Variants in SETBP1 observed in about 807,000 individuals in gnomAD.
SETBP1 encodes the protein SET binding protein 1, also known as SET-binding protein.
SETBP1 carries 9 observed loss-of-function variants against 101.0 expected under a neutral mutation model. The ratio of observed to expected loss-of-function variants is 0.09; its 90% confidence interval spans 0.05 to 0.16. The LOEUF (loss-of-function observed/expected upper bound fraction) is 0.16. Ranked by LOEUF, SETBP1 falls within the 10% of genes least tolerant of loss-of-function variation. SETBP1 has a pLI of 1.00. For synonymous variants in SETBP1, 818 were observed against 788.5 expected, an observed-to-expected ratio of 1.04 and a Z score of -0.63; for missense variants, 1,858 against 2,033.8, an observed-to-expected ratio of 0.91 and a Z score of 1.66.
intron 4 of SETBP1, among the ~76,000 whole-genome samples, chr18:45,003,788 C>T (rs980677964): frequency 6.6e-5 from 10 of 151,866 alleles, no homozygotes; most frequent in African/African-American, 1.9e-4. Flanking sequence ...TGTTGACCTT[C>T]GTAATCTAAA....
At chr18:44,773,622 T>A (rs1317769885) in intron 2 of SETBP1, among the ~76,000 whole-genome samples, 2 of 152,134 alleles carry the variant, frequency 1.3e-5, no homozygotes, top group Non-Finnish European at 2.9e-5. Context: ...GTTCCACTCT[T>A]TAAGTGTGTA....
rs536729562 is a variant in SETBP1 at position 44,709,988 on chromosome 18, G to A, written c.486+8156G>A. On this transcript the variant is annotated intron_variant, in intron 2 of 5. Coordinates refer to ENST00000649279, the MANE Select transcript of SETBP1 (RefSeq NM_015559.3). ...AAAGCAGTGTCAAAGGAACCATCAA[G>A]TGGGGTTCAGCTGGCGGCTGCTACT... Among the ~76,000 whole-genome samples the A allele has an allele frequency of 6.6e-5, 10 of 152,132 alleles. No individual in the cohort carries two copies. The South Asian group carries it at 1.7e-3, about 25-fold the overall frequency.
intron 1 of SETBP1, among the ~76,000 whole-genome samples, chr18:44,691,827 G>A (rs1252215213): frequency 6.6e-6 from 1 of 152,164 alleles, no homozygotes. Flanking sequence ...TGTCAGAGCT[G>A]GAAGGGGCCA....
intron 2 of SETBP1, among the ~76,000 whole-genome samples, chr18:44,807,913 A>C (rs935168444): frequency 5.3e-5 from 8 of 152,190 alleles, no homozygotes; most frequent in African/African-American, 1.9e-4. Flanking sequence ...GAGGCTGCAC[A>C]GCCAGAAGGA....
At chr18:44,921,692 G>C (rs912886537) in intron 3 of SETBP1, among the ~76,000 whole-genome samples, 1 of 152,172 alleles carries the variant, frequency 6.6e-6, no homozygotes. Flanking sequence ...TACAGTCCAG[G>C]AGGGAGGGCA....
chr18:44,878,366 T>C (rs2069456912), intron 3 of SETBP1, among the ~76,000 whole-genome samples: 1 of 152,092 alleles, frequency 6.6e-6, no homozygotes, highest in Non-Finnish European at 1.5e-5. Context: ...TTTGGTAAAG[T>C]GGCCTAAAGA....
intron 5 of SETBP1, among the ~76,000 whole-genome samples, chr18:45,041,021 A>G (rs2073497880): frequency 6.6e-6 from 1 of 152,202 alleles, no homozygotes; most frequent in South Asian, 2.1e-4. Context: ...AGAAACACAC[A>G]GGCTGGGCTT....
At chr18:44,748,978 T>G (rs1880819273) in intron 2 of SETBP1, among the ~76,000 whole-genome samples, 1 of 152,178 alleles carries the variant, frequency 6.6e-6, no homozygotes, top group Non-Finnish European at 1.5e-5. Flanking sequence ...TACTCTGTTG[T>G]AATCTCCATG....
chr18:44,792,004 G>A (rs539927136), intron 2 of SETBP1, among the ~76,000 whole-genome samples: 2 of 152,254 alleles, frequency 1.3e-5, no homozygotes, highest in South Asian at 4.2e-4. Context: ...TGGCTGTGCA[G>A]TTTCGGGCTC....
chr18:44,927,241 A>G (rs1225762302), intron 3 of SETBP1, among the ~76,000 whole-genome samples: 1 of 152,210 alleles, frequency 6.6e-6, no homozygotes, highest in African/African-American at 2.4e-5. Flanking sequence ...TCTCTGATGA[A>G]GAGAGTCAGA....
Position 44,885,857 on chromosome 18 carries a change from C to CAAAAAAAAAAAAAA in SETBP1, c.540+16585_540+16586insAAAAAAAAAAAAAA, listed in dbSNP as rs1555696149. 1.3e-4 allele frequency among the ~76,000 whole-genome samples: 10 copies of CAAAAAAAAAAAAAA among 78,160 alleles called. 1 individual carries two copies. The highest frequency in any genetic ancestry group is 4.2e-4 in the South Asian group (1 of 2,406). 51.3% of individuals were successfully genotyped at this position (78,160 alleles called of 152,430 possible). A position where few individuals can be genotyped will look rare whatever the true frequency, so the allele number is the denominator to read the frequency against. On this transcript the variant is annotated intron_variant, in intron 3 of 5. Coordinates refer to ENST00000649279, the MANE Select transcript of SETBP1 (RefSeq NM_015559.3). ...CCCATTTCATTAAAAAAAAAAAAAA[C>CAAAAAAAAAAAAAA]AAAAAAAAAAACAAGGTGACTTACC... is the stretch of plus-strand genomic sequence containing the variant.
At chr18:44,998,232 C>A (rs1346618929) in intron 4 of SETBP1, among the ~76,000 whole-genome samples, 3 of 152,204 alleles carry the variant, frequency 2.0e-5, no homozygotes, top group African/African-American at 4.8e-5. Context: ...CCAAGCTAAC[C>A]CTTGACAGGA....
At chr18:44,870,726 A>C in intron 3 of SETBP1, 1 of 152,232 alleles carries the variant, frequency 6.6e-6, no homozygotes, top group Middle Eastern at 3.4e-3. Flanking sequence ...TAATCTGAAA[A>C]TTTATAACAT....
chr18:44,990,707 A>C (rs1490674240), intron 4 of SETBP1, among the ~76,000 whole-genome samples: 2 of 152,070 alleles, frequency 1.3e-5, no homozygotes, highest in Non-Finnish European at 2.9e-5. Flanking sequence ...CACTAAAAAT[A>C]ATGTTCAATT....
intron 2 of SETBP1, among the ~76,000 whole-genome samples, chr18:44,736,191 C>G (rs770964136): frequency 7.9e-5 from 12 of 151,852 alleles, no homozygotes; most frequent in Non-Finnish European, 1.0e-4. Context: ...TTGAGACCAG[C>G]CTGGGCAACA....
chr18:44,877,475 T>C (rs542957198), intron 3 of SETBP1: 1 of 686,564 alleles, frequency 1.5e-6, no homozygotes. Context: ...AGGAATAATG[T>C]TCACCCTCCA....
rs537274345 is a variant in SETBP1 at position 45,063,946 on chromosome 18, T to C, written c.*248T>C. 2.1e-5 allele frequency: 9 copies of C among 434,614 alleles called. No individual in the cohort carries two copies. The Admixed American group carries it at 2.9e-4, about 14-fold the overall frequency. The allele number at this position is 434,614 out of a possible 1,614,324, so 26.9% of individuals were successfully genotyped here. On this transcript the variant is annotated 3_prime_UTR_variant, in exon 6 of 6. Coordinates refer to ENST00000649279, the MANE Select transcript of SETBP1 (RefSeq NM_015559.3). ...CAGCTCCCACCACGCGGCGCTTCAG[T>C]ACGGCTGGATCCTCCGCAGGCGAGC...
chr18:44,844,348 C>T (rs541415119), intron 2 of SETBP1, among the ~76,000 whole-genome samples: 50 of 27,994 alleles, frequency 1.8e-3, no homozygotes, highest in African/African-American at 6.8e-3. Context: ...CGTGCACACA[C>T]GCGCGCACAC....
chr18:44,976,485 G>A (rs181813500), intron 4 of SETBP1, among the ~76,000 whole-genome samples: 16 of 152,312 alleles, frequency 1.1e-4, no homozygotes, highest in East Asian at 1.9e-4. Flanking sequence ...GCCCTCATCC[G>A]CCCTGCTGTG....
Sources: gnomAD v4.1 joint callset for allele counts (sites outside exome capture counted in the v4.1 genomes callset) on GRCh38, gnomAD v4.1.1 for gene constraint, MANE v1.5 for transcripts, NCBI Gene and HGNC (gene_info 2026-07-23, HGNC 2026-07-21) for gene names.